FBXL20: variants seen among roughly 807,000 people sequenced by gnomAD.
The protein encoded by FBXL20 is F-box/LRR-repeat protein 20.
Under a neutral mutation model 64.0 loss-of-function variants are expected in FBXL20, and 11 were observed. The ratio of observed to expected loss-of-function variants is 0.17; its 90% CI spans 0.11 to 0.28. The LOEUF is 0.28. Among genes scored for constraint, FBXL20 ranks in the 10% least tolerant of loss-of-function variants. The pLI, the probability that FBXL20 is intolerant of heterozygous loss-of-function variation, is 1.00. For missense variants in FBXL20, 303 were observed against 526.2 expected (o/e 0.58, Z 4.15); for synonymous variants, 184 against 189.0 (o/e 0.97, Z 0.22).
chr17:39,324,522 T>C (rs889554052), intron 2 of FBXL20, among the ~76,000 whole-genome samples: 11 of 152,004 alleles, frequency 7.2e-5, no homozygotes, highest in Non-Finnish European at 7.4e-5. Context: ...ACTCCTGACC[T>C]TACGTGATCT....
intron 1 of FBXL20, among the ~76,000 whole-genome samples, chr17:39,357,658 C>T (rs1308125502): frequency 6.6e-6 from 1 of 152,186 alleles, no homozygotes; most frequent in Admixed American, 6.5e-5. Flanking sequence ...AGCGAAGCTG[C>T]CTCAGCCTCC....
chr17:39,401,556 G>T lies in FBXL20; in HGVS notation c.-154C>A, dbSNP rs534118172. 3.7e-4 allele frequency: 529 copies of T among 1,419,280 alleles called. No homozygotes were observed. The highest frequency in any genetic ancestry group is 3.9e-4 in the Non-Finnish European group (433 of 1,096,208). 87.9% of individuals were successfully genotyped at this position (1,419,280 alleles called of 1,614,324 possible). ...CGGGAACAAGAGACCTCTCGGCTCC[G>T]GCTAGGCCTCCACCACCTCCCGCGG... On this transcript the variant is annotated 5_prime_UTR_variant, in exon 1 of 15. Coordinates refer to ENST00000264658, the MANE Select transcript of FBXL20 (RefSeq NM_032875.3).
chr17:39,266,497 G>A (rs951520847), intron 12 of FBXL20, among the ~76,000 whole-genome samples: 1 of 152,102 alleles, frequency 6.6e-6, no homozygotes, highest in African/African-American at 2.4e-5. Flanking sequence ...TAGAATTACA[G>A]GCATGAGCCA....
intron 6 of FBXL20, among the ~76,000 whole-genome samples, chr17:39,296,607 T>C (rs1347265197): frequency 1.4e-5 from 2 of 147,330 alleles, no homozygotes; most frequent in African/African-American, 2.5e-5. Flanking sequence ...GTAGAGTTAA[T>C]GAATAACTAC....
At chr17:39,326,454 T>C (rs1312228545) in intron 2 of FBXL20, among the ~76,000 whole-genome samples, 2 of 151,736 alleles carry the variant, frequency 1.3e-5, no homozygotes, top group African/African-American at 4.8e-5. Flanking sequence ...AACCCATCTC[T>C]ACAAAAAAAT....
chr17:39,363,276 A>C (rs969594797), intron 1 of FBXL20, among the ~76,000 whole-genome samples: 4 of 151,720 alleles, frequency 2.6e-5, no homozygotes, highest in African/African-American at 9.7e-5. Context: ...GGCCTCCCAA[A>C]GTGCTGGGAT....
intron 1 of FBXL20, among the ~76,000 whole-genome samples, chr17:39,397,035 T>G (rs571936413): frequency 5.9e-5 from 9 of 152,262 alleles, no homozygotes; most frequent in African/African-American, 2.2e-4. Flanking sequence ...ATTTTAAGAT[T>G]TTTGTTATTC....
chr17:39,276,442 G>A (rs1310510903), intron 9 of FBXL20, among the ~76,000 whole-genome samples: 1 of 151,612 alleles, frequency 6.6e-6, no homozygotes, highest in Non-Finnish European at 1.5e-5. Context: ...AGGCGGAGGC[G>A]GGTGGATCAC....
chr17:39,352,386 A>C (rs1023489795), intron 1 of FBXL20, among the ~76,000 whole-genome samples: 2 of 152,130 alleles, frequency 1.3e-5, no homozygotes, highest in Middle Eastern at 6.8e-3. Flanking sequence ...ACATTAAAAA[A>C]AATAGGAAAG....
chr17:39,370,437 C>A (rs2047905573), intron 1 of FBXL20, among the ~76,000 whole-genome samples: 1 of 150,922 alleles, frequency 6.6e-6, no homozygotes, highest in Non-Finnish European at 1.5e-5. Context: ...TTGCAGTGAG[C>A]CAAGATCAAG....
intron 2 of FBXL20, among the ~76,000 whole-genome samples, chr17:39,324,611 G>A (rs1416705339): frequency 2.0e-5 from 3 of 152,084 alleles, no homozygotes; most frequent in Non-Finnish European, 4.4e-5. Context: ...TATTAAAGAG[G>A]GATCACCTAA....
intron 2 of FBXL20, among the ~76,000 whole-genome samples, chr17:39,324,023 C>CCACCCCCCA (rs2047384636): frequency 2.2e-5 from 3 of 139,022 alleles, no homozygotes; most frequent in Non-Finnish European, 3.0e-5. Context: ...CTCCCCCCCC[C>CCACCCCCCA]ACCCCCTGGC....
intron 2 of FBXL20, among the ~76,000 whole-genome samples, chr17:39,329,093 G>C (rs146972580): frequency 6.0e-4 from 92 of 152,070 alleles, no homozygotes; most frequent in Non-Finnish European, 9.4e-4. Flanking sequence ...TTTTACCATA[G>C]GACATTCTTT....
At chr17:39,334,276 C>T (rs928883448) in intron 2 of FBXL20, among the ~76,000 whole-genome samples, 3 of 152,030 alleles carry the variant, frequency 2.0e-5, no homozygotes, top group Non-Finnish European at 4.4e-5. Context: ...AGGCAGCATG[C>T]TTGTTAAGAG....
chr17:39,377,506 G>T (rs1270995891), intron 1 of FBXL20, among the ~76,000 whole-genome samples: 26 of 144,442 alleles, frequency 1.8e-4, no homozygotes, highest in Middle Eastern at 7.1e-3. Context: ...TTTTGTTGTT[G>T]TTTTTTTTTT....
At chr17:39,263,763 G>C (rs1318227692) in intron 14 of FBXL20, 1 of 161,888 alleles carries the variant, frequency 6.2e-6, no homozygotes, top group South Asian at 1.7e-4. Context: ...TGAATCCCAG[G>C]AAGAGGGCTC....
chr17:39,367,289 A>G (rs2047869946), intron 1 of FBXL20, among the ~76,000 whole-genome samples: 1 of 149,198 alleles, frequency 6.7e-6, no homozygotes, highest in African/African-American at 2.5e-5. Flanking sequence ...TTAGTCAAAC[A>G]TTGGACCTCC....
intron 3 of FBXL20, among the ~76,000 whole-genome samples, chr17:39,302,352 A>G (rs987932543): frequency 3.4e-5 from 5 of 149,078 alleles, no homozygotes; most frequent in Non-Finnish European, 5.9e-5. Flanking sequence ...CTGGAACCAC[A>G]GGCATGCACC....
Position 39,377,974 on chromosome 17 carries a change from T to C in FBXL20, c.42+23387A>G, listed in dbSNP as rs530287498. ...GCTTCAGTGAACTGTGATTCTAGCC[T>C]GCACTCTAGCCTGGGCGACAGAGCA... On this transcript the variant is annotated intron_variant, in intron 1 of 14. Coordinates refer to ENST00000264658, the MANE Select transcript of FBXL20 (RefSeq NM_032875.3). 6.6e-5 allele frequency among the ~76,000 whole-genome samples: 10 copies of C among 152,194 alleles called. 1 individual carries two copies. In the East Asian group the frequency reaches 1.9e-3, roughly 29 times the overall value.
Sources: gnomAD v4.1 joint callset for allele counts (sites outside exome capture counted in the v4.1 genomes callset) on GRCh38, gnomAD v4.1.1 for gene constraint, MANE v1.5 for transcripts, NCBI Gene and HGNC (gene_info 2026-07-23, HGNC 2026-07-21) for gene names.